Variants in ZNF48 observed in about 807,000 individuals in gnomAD.
ZNF48 encodes the protein zinc finger protein 553.
ZNF48 carries 20 observed loss-of-function variants against 40.0 expected under a neutral mutation model. That is an observed-to-expected ratio of 0.50 (90% CI 0.35 to 0.73). The LOEUF (loss-of-function observed/expected upper bound fraction) is 0.73. Ranked by LOEUF, ZNF48 falls within the 30% of genes least tolerant of loss-of-function variation. The pLI is 0.01. For synonymous variants in ZNF48, 298 were observed against 329.7 expected (o/e 0.90, Z 1.04); for missense variants, 726 against 851.9 (o/e 0.85, Z 1.84).
At chr16:30,391,947 C>G (rs1457761867), upstream of ZNF48, among the ~76,000 whole-genome samples, 1 of 152,168 alleles carries the variant, frequency 6.6e-6, no homozygotes, top group Non-Finnish European at 1.5e-5. Flanking sequence ...AAGAGATCCT[C>G]TCACCTCAGC....
upstream of ZNF48, among the ~76,000 whole-genome samples, chr16:30,390,572 C>A (rs2049934442): frequency 7.7e-6 from 1 of 130,648 alleles, no homozygotes; most frequent in South Asian, 2.7e-4. Context: ...CCACGCCCAG[C>A]TAATTTTTTG....
Position 30,399,677 on chromosome 16 carries a change from A to G in ZNF48, c.*570A>G, listed in dbSNP as rs2050032805. The G allele has an allele frequency of 6.5e-6, 1 of 153,066 alleles. No homozygotes were observed. The highest frequency in any genetic ancestry group is 2.1e-4 in the South Asian group (1 of 4,858). 9.5% of individuals were successfully genotyped at this position (153,066 alleles called of 1,614,324 possible). On this transcript the variant is annotated 3_prime_UTR_variant, in exon 3 of 3. Transcript: ENST00000613509. ...AACAGGATGAGGCAGGGGTATCTTG[A>G]TCATCCGGATGGGGCAAATACTGCT...
chr16:30,380,699 G>C (rs958269993), intron 1 of ZNF48: 1 of 176,796 alleles, frequency 5.7e-6, no homozygotes, highest in African/African-American at 2.4e-5. Flanking sequence ...GCGCCTACAA[G>C]TTCGAGGCTG....
chr16:30,393,890 T>G (rs114572953), upstream of ZNF48, among the ~76,000 whole-genome samples: 4,362 of 146,694 alleles, frequency 0.03, 80 homozygotes, highest in African/African-American at 0.055. Context: ...TAAATTTTTG[T>G]TTTTTTTTTG....
At chr16:30,385,523 G>T (rs937328657) in intron 1 of ZNF48, among the ~76,000 whole-genome samples, 1 of 152,038 alleles carries the variant, frequency 6.6e-6, no homozygotes, top group African/African-American at 2.4e-5. Flanking sequence ...TACTTGGGAG[G>T]CTGAGGCACA....
upstream of ZNF48, among the ~76,000 whole-genome samples, chr16:30,390,602 T>G (rs1002083993): frequency 1.7e-3 from 3 of 1,792 alleles, no homozygotes; most frequent in East Asian, 0.062. Context: ...TAGAGACGGG[T>G]TTTTTTTTTT....
At position 30,385,209 on chromosome 16, in the gene ZNF48, TAATAATAATAATATAA is replaced by T. The variant is rs1414435778; in HGVS notation, c.-16+6801_-16+6816del. Among the ~76,000 whole-genome samples the T allele has an allele frequency of 7.5e-3, 1,087 of 144,452 alleles. 12 individuals are homozygous for T. The highest frequency in any genetic ancestry group is 0.026 in the African/African-American group (1,034 of 39,294). The allele number at this position is 144,452 out of a possible 152,430, so 94.8% of individuals were successfully genotyped here. On this transcript the variant is annotated intron_variant, in intron 1 of 2. Transcript: ENST00000528032. ...ATAATAATAATAATAATAATAATAA[TAATAATAATAATATAA>T]ATAAATAAATAAGCAAAGGGCAGGG...
chr16:30,385,556 C>T (rs781220415), intron 1 of ZNF48, among the ~76,000 whole-genome samples: 6 of 134,072 alleles, frequency 4.5e-5, no homozygotes, highest in Non-Finnish European at 8.1e-5. Flanking sequence ...ACCCAGGAGG[C>T]GCAGGTTGCA....
Position 30,395,636 on chromosome 16 carries a change from C to G in ZNF48, c.-16+58C>G, listed in dbSNP as rs547179538. On this transcript the variant is annotated intron_variant, in intron 1 of 2. Coordinates refer to ENST00000613509, the MANE Select transcript of ZNF48 (RefSeq NM_001214909.2). This position sits in a 1 kb window ranked among gnomAD's most constrained non-coding sequence, Gnocchi z 5.9. ...GCAGGTGCAGGGGCGGCCGGCGGCG[C>G]GGGCAGGGGGCACCGGGAGCCGCGC... 1 of 444,736 alleles carries G rather than the reference C, an allele frequency of 2.2e-6. No individual in the cohort carries two copies. The highest frequency in any genetic ancestry group is 3.3e-6 in the Non-Finnish European group (1 of 306,446). 27.5% of individuals were successfully genotyped at this position (444,736 alleles called of 1,614,324 possible). A position where few individuals can be genotyped will look rare whatever the true frequency, so the allele number is the denominator to read the frequency against.
chr16:30,385,542 T>C (rs977790046), intron 1 of ZNF48, among the ~76,000 whole-genome samples: 16 of 149,344 alleles, frequency 1.1e-4, no homozygotes, highest in Non-Finnish European at 1.5e-5. Flanking sequence ...CAAGAATCAC[T>C]TGAACCCAGG....
rs1449102890 is a variant in ZNF48, at chr16:30,381,281, G to A, written c.-16+2871G>A. 6.2e-7 allele frequency: 1 copy of A among 1,612,574 alleles called. No individual in the cohort carries two copies. On this transcript the variant is annotated intron_variant, in intron 1 of 2. Transcript: ENST00000528032. This position sits in a 1 kb window ranked among gnomAD's most constrained non-coding sequence, Gnocchi z 4.3. ...GATTGGTCATTGCCCAGCCTCAGGG[G>A]GCAGAGACCCCCCAGCCCTCCCTAA...
chr16:30,387,345 G>T (rs1021443521), intron 1 of ZNF48, among the ~76,000 whole-genome samples: 2 of 147,838 alleles, frequency 1.4e-5, no homozygotes, highest in South Asian at 2.1e-4. Context: ...ACCTGATGTC[G>T]GGAGTTCAAG....
intron 1 of ZNF48, among the ~76,000 whole-genome samples, chr16:30,386,343 T>C (rs1034849151): frequency 2.6e-5 from 4 of 152,002 alleles, no homozygotes; most frequent in Non-Finnish European, 4.4e-5. Flanking sequence ...ACACATGTTT[T>C]CATAGAAAAA....
upstream of ZNF48, chr16:30,395,310 T>G (rs1303939803): frequency 4.4e-6 from 2 of 453,622 alleles, no homozygotes; most frequent in Non-Finnish European, 8.9e-6. This position sits in a 1 kb window ranked among gnomAD's most constrained non-coding sequence, Gnocchi z 5.9. Context: ...GGCCGCACGC[T>G]GCCGCCCGCC....
chr16:30,378,979 G>T, intron 1 of ZNF48: 1 of 1,590,790 alleles, frequency 6.3e-7, no homozygotes, highest in South Asian at 1.1e-5. Flanking sequence ...GGTGAGGCGG[G>T]ACCTTGGAGG....
upstream of ZNF48, among the ~76,000 whole-genome samples, chr16:30,390,565 C>T (rs1321729276): frequency 1.4e-5 from 2 of 147,218 alleles, no homozygotes; most frequent in Non-Finnish European, 3.0e-5. Context: ...CCTGCCACCA[C>T]GCCCAGCTAA....
At chr16:30,392,447 T>C (rs1037149674), upstream of ZNF48, among the ~76,000 whole-genome samples, 15 of 152,146 alleles carry the variant, frequency 9.9e-5, no homozygotes, top group African/African-American at 3.4e-4. Flanking sequence ...CCACCATGCC[T>C]GGCCCATATT....
At chr16:30,396,715 G>A (rs2049987746) in intron 2 of ZNF48, among the ~76,000 whole-genome samples, 1 of 127,236 alleles carries the variant, frequency 7.9e-6, no homozygotes, top group Admixed American at 8.8e-5. Flanking sequence ...TTTTTTTGGC[G>A]ACAGGGTCTC....
chr16:30,380,125 G>A, intron 1 of ZNF48: 2 of 1,037,852 alleles, frequency 1.9e-6, no homozygotes, highest in Middle Eastern at 2.2e-4. Flanking sequence ...GATACTGGGT[G>A]GTCAGAGACA....
Sources: gnomAD v4.1 joint callset for allele counts (sites outside exome capture counted in the v4.1 genomes callset) on GRCh38, gnomAD v4.1.1 for gene constraint, Gnocchi (gnomAD v3.1) non-coding constraint, MANE v1.5 for transcripts, NCBI Gene and HGNC (gene_info 2026-07-23, HGNC 2026-07-21) for gene names.